The following UGGT2 variants were observed in gnomAD, a reference collection of about 807,000 sequenced individuals.
UGGT2 encodes the protein UDP-glucose:glycoprotein glucosyltransferase 2.
Under a neutral mutation model 192.1 loss-of-function variants are expected in UGGT2, and 180 were observed. The observed-to-expected ratio is 0.94, with a 90% confidence interval of 0.83 to 1.06. The LOEUF (loss-of-function observed/expected upper bound fraction) is 1.06, where lower values mean the gene tolerates loss of function less well. UGGT2 is among the 50% of genes least tolerant of loss of function. The pLI, the probability that UGGT2 is intolerant of heterozygous loss-of-function variation, is 0.00. For synonymous variants in UGGT2, 580 were observed against 591.0 expected, an observed-to-expected ratio of 0.98 and a Z score of 0.27; for missense variants, 1,849 against 1,795.7, an observed-to-expected ratio of 1.03 and a Z score of -0.54.
At chr13:95,910,212 T>A (rs960503563) in intron 20 of UGGT2, among the ~76,000 whole-genome samples, 6 of 152,212 alleles carry the variant, frequency 3.9e-5, no homozygotes, top group Middle Eastern at 3.4e-3. Context: ...GCAAACATCA[T>A]AATAACGGGA....
chr13:95,856,127 T>C (rs573610088), intron 34 of UGGT2, 31 bp downstream of exon 34: 15 of 1,547,142 alleles, frequency 9.7e-6, no homozygotes, highest in African/African-American at 1.4e-5. Flanking sequence ...AATGTTTGCG[T>C]ATTACTAAAA....
intron 8 of UGGT2, among the ~76,000 whole-genome samples, chr13:95,988,376 C>T (rs1253133927): frequency 2.0e-5 from 3 of 152,004 alleles, no homozygotes; most frequent in Non-Finnish European, 4.4e-5. Context: ...ATCTCAGTAA[C>T]CTTATTGAGA....
intron 38 of UGGT2, among the ~76,000 whole-genome samples, chr13:95,805,170 G>T (rs1049085547): frequency 2.0e-5 from 3 of 151,668 alleles, no homozygotes; most frequent in African/African-American, 7.3e-5. Context: ...CAAATAGTCA[G>T]CAAACATAAG....
intron 24 of UGGT2, among the ~76,000 whole-genome samples, chr13:95,892,868 T>C (rs1022797213): frequency 2.0e-5 from 3 of 152,148 alleles, no homozygotes; most frequent in African/African-American, 4.8e-5. Context: ...AGGGTCATTA[T>C]TGCCGCAGCC....
At chr13:96,014,980 T>C (rs2052282497) in intron 4 of UGGT2, among the ~76,000 whole-genome samples, 1 of 152,012 alleles carries the variant, frequency 6.6e-6, no homozygotes, top group Non-Finnish European at 1.5e-5. Context: ...TTTACTACTG[T>C]TGAAAACTAG....
intron 1 of UGGT2, among the ~76,000 whole-genome samples, chr13:96,038,463 A>G (rs558199275): frequency 6.6e-6 from 1 of 152,316 alleles, no homozygotes; most frequent in South Asian, 2.1e-4. Flanking sequence ...AATGAGGAAG[A>G]CTGTAAAAGA....
chr13:95,807,224 C>G (rs73556725), intron 38 of UGGT2, among the ~76,000 whole-genome samples: 2,225 of 152,098 alleles, frequency 0.015, 57 homozygotes, highest in African/African-American at 0.051. Context: ...TCATTAAGTG[C>G]AAGTGGGTCA....
At chr13:96,021,290 G>C (rs925049664) in intron 4 of UGGT2, among the ~76,000 whole-genome samples, 1 of 152,106 alleles carries the variant, frequency 6.6e-6, no homozygotes, top group Non-Finnish European at 1.5e-5. Flanking sequence ...CTAATAGTTT[G>C]ATGTTAATTT....
intron 25 of UGGT2, among the ~76,000 whole-genome samples, chr13:95,890,452 A>G (rs1038274051): frequency 2.6e-5 from 4 of 152,030 alleles, no homozygotes; most frequent in African/African-American, 7.2e-5. Context: ...TGCTCAAATA[A>G]CCTCTTCTTT....
At chr13:95,869,268 T>C (rs547853713) in intron 29 of UGGT2, among the ~76,000 whole-genome samples, 1 of 152,286 alleles carries the variant, frequency 6.6e-6, no homozygotes, top group East Asian at 1.9e-4. Flanking sequence ...GTGCCACATT[T>C]TCTTAATCCA....
At position 95,887,952 on chromosome 13, in the gene UGGT2, T is replaced by A. The variant is rs2047691402; in HGVS notation, c.2978A>T (p.Asn993Ile). 2.5e-6 allele frequency: 4 copies of A among 1,602,826 alleles called. No homozygotes were observed. The highest frequency in any genetic ancestry group is 3.4e-6 in the Non-Finnish European group (4 of 1,173,996). Residue 993 changes from asparagine to isoleucine, a missense_variant, in exon 26 of 39, where the codon AAC becomes ATC. Asn to Ile is a moderately radical substitution (Grantham distance 149). Coordinates refer to ENST00000376747, the MANE Select transcript of UGGT2 (RefSeq NM_020121.4). Reference protein sequence around the residue: ...QLLVVLGKIINMKIKLFMNCR... With the variant: ...QLLVVLGKIIIMKIKLFMNCR... Reference sequence around the variant, plus strand: ...GTTCATGAACAACTTTATCTTCATGTTGATAATCTTGCCAAGTACCTATTG... The same window carrying A: ...GTTCATGAACAACTTTATCTTCATGATGATAATCTTGCCAAGTACCTATTG...
At chr13:95,846,846 T>C (rs927741676) in intron 36 of UGGT2, among the ~76,000 whole-genome samples, 2 of 152,184 alleles carry the variant, frequency 1.3e-5, no homozygotes, top group East Asian at 1.9e-4. Context: ...TACCAGAAAG[T>C]TGATTCTAAT....
chr13:95,964,002 C>T (rs2050486729), intron 12 of UGGT2, among the ~76,000 whole-genome samples: 1 of 151,904 alleles, frequency 6.6e-6, no homozygotes, highest in Non-Finnish European at 1.5e-5. Flanking sequence ...TCCTAAAATT[C>T]GTATGGAACC....
intron 1 of UGGT2, among the ~76,000 whole-genome samples, chr13:96,044,991 A>G (rs1026292346): frequency 2.0e-5 from 3 of 152,196 alleles, no homozygotes; most frequent in Admixed American, 2.0e-4. Flanking sequence ...AAATCATTCT[A>G]TGAAGCCAGT....
intron 1 of UGGT2, among the ~76,000 whole-genome samples, chr13:96,039,713 C>T (rs991408141): frequency 4.6e-5 from 7 of 152,182 alleles, no homozygotes; most frequent in African/African-American, 1.7e-4. Flanking sequence ...ACTTTTAACA[C>T]TTTGCTTGGA....
chr13:96,030,395 A>G (rs920341192), intron 2 of UGGT2, among the ~76,000 whole-genome samples: 1 of 152,164 alleles, frequency 6.6e-6, no homozygotes, highest in Admixed American at 6.5e-5. Flanking sequence ...CATCTAAAGT[A>G]CCTCCAGCAT....
In UGGT2 at chr13:95,986,249, T is replaced by C. The variant is rs1295601214; in HGVS notation, c.1031+84A>G. The C allele has an allele frequency of 4.2e-6, 4 of 951,418 alleles. No homozygotes were observed. In the East Asian group the frequency reaches 7.7e-5, roughly 18 times the overall value. 58.9% of individuals were successfully genotyped at this position (951,418 alleles called of 1,614,324 possible). On this transcript the variant is annotated intron_variant, in intron 9 of 38. Coordinates refer to ENST00000376747, the MANE Select transcript of UGGT2 (RefSeq NM_020121.4). Reference sequence around the variant, plus strand: ...ATACTAGAACTAATTGACACCTTCATGTTAAATGAAATCAGCTATTTTCAT... The same window carrying C: ...ATACTAGAACTAATTGACACCTTCACGTTAAATGAAATCAGCTATTTTCAT...
chr13:96,046,507 T>C (rs1404119204), intron 1 of UGGT2, among the ~76,000 whole-genome samples: 2 of 152,106 alleles, frequency 1.3e-5, no homozygotes, highest in Admixed American at 6.5e-5. Flanking sequence ...GATGGCTGAA[T>C]AGGAACAGCT....
At position 95,888,477 on chromosome 13, in the gene UGGT2, C is replaced by T. The variant is rs529595834; in HGVS notation, c.2959-506G>A. 2.0e-5 allele frequency among the ~76,000 whole-genome samples: 3 copies of T among 152,182 alleles called. No homozygotes were observed. In the East Asian group the frequency reaches 5.8e-4, roughly 29 times the overall value. Reference sequence around the variant, plus strand: ...ATAGTCCCCATCTCCACATAGGCAACATGTCAGTGAAGATTCTAAAGCTGT... The same window carrying T: ...ATAGTCCCCATCTCCACATAGGCAATATGTCAGTGAAGATTCTAAAGCTGT... On this transcript the variant is annotated intron_variant, in intron 25 of 38. Transcript: ENST00000376747.
Sources: gnomAD v4.1 joint callset for allele counts (sites outside exome capture counted in the v4.1 genomes callset) on GRCh38, gnomAD v4.1.1 for gene constraint, MANE v1.5 for transcripts, NCBI Gene and HGNC (gene_info 2026-07-23, HGNC 2026-07-21) for gene names.